GSG1L: variants seen among roughly 807,000 people sequenced by gnomAD.
GSG1L encodes GSG1 like, also known as germ cell-specific gene 1-like protein.
In GSG1L, 24 loss-of-function variants were observed where a neutral mutation model predicts 42.1. The ratio of observed to expected loss-of-function variants is 0.57; its 90% CI spans 0.41 to 0.80. GSG1L has a LOEUF of 0.80. GSG1L is among the 30% of genes least tolerant of loss of function. GSG1L has a pLI of 0.00. For synonymous variants in GSG1L, 215 were observed against 203.5 expected, an observed-to-expected ratio of 1.06 and a Z score of -0.48; for missense variants, 445 against 472.2, an observed-to-expected ratio of 0.94 and a Z score of 0.53.
At chr16:27,982,692 G>C (rs1380688567) in intron 1 of GSG1L, among the ~76,000 whole-genome samples, 2 of 152,280 alleles carry the variant, frequency 1.3e-5, no homozygotes, top group South Asian at 2.1e-4. Context: ...CTCTGCTTCT[G>C]GTCAGGCCTC....
chr16:27,809,059 G>C (rs1481901924), intron 5 of GSG1L, among the ~76,000 whole-genome samples: 1 of 152,088 alleles, frequency 6.6e-6, no homozygotes, highest in African/African-American at 2.4e-5. Context: ...TGTCCAAATG[G>C]GCATCACATT....
intron 5 of GSG1L, among the ~76,000 whole-genome samples, chr16:27,828,160 C>T (rs1374160014): frequency 1.3e-5 from 2 of 152,028 alleles, no homozygotes; most frequent in South Asian, 2.1e-4. Flanking sequence ...TACCCATCCA[C>T]CCGCTCACCT....
intron 4 of GSG1L, among the ~76,000 whole-genome samples, chr16:27,830,829 G>T (rs962608701): frequency 6.6e-6 from 1 of 152,254 alleles, no homozygotes; most frequent in Non-Finnish European, 1.5e-5. Context: ...CGAGGATAGA[G>T]AATGAACAAG....
intron 1 of GSG1L, among the ~76,000 whole-genome samples, chr16:28,014,480 A>T (rs1434920516): frequency 6.6e-6 from 1 of 151,986 alleles, no homozygotes; most frequent in Non-Finnish European, 1.5e-5. Flanking sequence ...GGGGATAAGC[A>T]CACGGAAAGG....
In GSG1L at chr16:28,063,029, C is replaced by G; in HGVS notation, c.349+47G>C. On this transcript the variant is annotated intron_variant, in intron 1 of 6. Transcript: ENST00000447459. This position sits in a 1 kb window ranked among gnomAD's most constrained non-coding sequence, Gnocchi z 5.8. ...GGCTCGGGCCTCGATGGCCGCGCCG[C>G]CCCGGGGGAGCCGGAGCCGAGCTGG... 7.4e-7 allele frequency: 1 copy of G among 1,349,436 alleles called. No homozygotes were observed. Among genetic ancestry groups the G allele is most frequent in the Non-Finnish European group, 9.5e-7 (1 of 1,047,828 alleles). The allele number at this position is 1,349,436 out of a possible 1,614,324, so 83.6% of individuals were successfully genotyped here.
intron 3 of GSG1L, among the ~76,000 whole-genome samples, chr16:27,847,119 C>A (rs2083453243): frequency 6.6e-6 from 1 of 152,182 alleles, no homozygotes; most frequent in African/African-American, 2.4e-5. Context: ...AGTTACTGCA[C>A]CTCCTGAATT....
chr16:27,966,096 C>T (rs1478747901), intron 1 of GSG1L, among the ~76,000 whole-genome samples: 2 of 152,218 alleles, frequency 1.3e-5, no homozygotes, highest in Non-Finnish European at 2.9e-5. Flanking sequence ...CTGCCTGCAG[C>T]ACTGTTCACT....
At chr16:27,822,419 T>C (rs1489515116) in intron 5 of GSG1L, among the ~76,000 whole-genome samples, 1 of 151,912 alleles carries the variant, frequency 6.6e-6, no homozygotes, top group Non-Finnish European at 1.5e-5. Flanking sequence ...GTTTTTTTGG[T>C]TTGGTTTGGT....
At chr16:27,842,829 T>C (rs2083401819) in intron 4 of GSG1L, among the ~76,000 whole-genome samples, 1 of 152,184 alleles carries the variant, frequency 6.6e-6, no homozygotes. Flanking sequence ...TGCTCCATTC[T>C]GAGATGCTCT....
intron 3 of GSG1L, among the ~76,000 whole-genome samples, chr16:27,865,457 G>A (rs1266662845): frequency 2.0e-5 from 3 of 148,884 alleles, no homozygotes; most frequent in Non-Finnish European, 4.5e-5. Context: ...AGTGGAGGTG[G>A]AAGTGGCCGC....
rs901209963 is a variant in GSG1L at position 27,791,222 on chromosome 16, T to C, written c.*148A>G. The C allele has an allele frequency of 4.5e-6, 2 of 448,372 alleles. No homozygotes were observed. The highest frequency in any genetic ancestry group is 4.2e-5 in the Admixed American group (1 of 23,578). The allele number at this position is 448,372 out of a possible 1,614,324, so 27.8% of individuals were successfully genotyped here. On this transcript the variant is annotated 3_prime_UTR_variant, in exon 7 of 7. Transcript: ENST00000447459. ...CAAGGCCATGGGACCCAGGCAGCGA[T>C]GGGCAGGACAGGCCTGGCATCTCCC...
intron 1 of GSG1L, among the ~76,000 whole-genome samples, chr16:28,056,913 AGTGGG>A (rs988025919): frequency 6.6e-5 from 10 of 152,072 alleles, no homozygotes; most frequent in Non-Finnish European, 1.2e-4. Flanking sequence ...GGCTAATTTC[AGTGGG>A]GTGGTCCAGG....
intron 1 of GSG1L, among the ~76,000 whole-genome samples, chr16:28,034,749 G>A (rs2086012962): frequency 6.6e-6 from 1 of 152,224 alleles, no homozygotes; most frequent in Admixed American, 6.5e-5. Context: ...TGTGCACTGT[G>A]GGATATTTAG....
At chr16:27,848,478 T>C (rs2083467542) in intron 3 of GSG1L, among the ~76,000 whole-genome samples, 1 of 152,182 alleles carries the variant, frequency 6.6e-6, no homozygotes, top group Non-Finnish European at 1.5e-5. Context: ...ATTTATCATG[T>C]ATTCATTCAA....
chr16:27,888,495 CTTTCTT>C (rs2084073623), intron 2 of GSG1L, among the ~76,000 whole-genome samples: 1 of 5,992 alleles, frequency 1.7e-4, no homozygotes, highest in Non-Finnish European at 4.4e-4. Context: ...TTCTTTCTTT[CTTTCTT>C]TCTTTCTTTC....
At chr16:27,888,453 T>TC (rs2084063439) in intron 2 of GSG1L, among the ~76,000 whole-genome samples, 1 of 20,176 alleles carries the variant, frequency 5.0e-5, no homozygotes, top group Non-Finnish European at 1.8e-4. Context: ...TCTTTCTTTC[T>TC]TTCTTTCTTT....
In GSG1L at chr16:27,789,244, A is replaced by T. The variant is rs556306838; in HGVS notation, c.*2126T>A. ...GGATAGATGATGAATAGATGAAGAAATGGATAAAGAATAAATGGATAATGC... is the reference window on the plus strand; with the variant it reads ...GGATAGATGATGAATAGATGAAGAATTGGATAAAGAATAAATGGATAATGC... On this transcript the variant is annotated 3_prime_UTR_variant, in exon 7 of 7. Coordinates refer to ENST00000447459, the MANE Select transcript of GSG1L (RefSeq NM_001109763.2). 1 of 152,290 alleles carries T rather than the reference A, an allele frequency of 6.6e-6. No individual in the cohort carries two copies. Among genetic ancestry groups the T allele is most frequent in the African/African-American group, 2.4e-5 (1 of 41,546 alleles). 9.4% of individuals were successfully genotyped at this position (152,290 alleles called of 1,614,324 possible).
intron 3 of GSG1L, among the ~76,000 whole-genome samples, chr16:27,851,978 A>C (rs1252392081): frequency 6.6e-6 from 1 of 152,216 alleles, no homozygotes; most frequent in East Asian, 1.9e-4. Flanking sequence ...CAGCGGTGAC[A>C]ACCCCAAATC....
At chr16:27,886,791 TC>T (rs2084035952) in intron 2 of GSG1L, among the ~76,000 whole-genome samples, 1 of 152,084 alleles carries the variant, frequency 6.6e-6, no homozygotes, top group Non-Finnish European at 1.5e-5. Context: ...TCATGTGGTC[TC>T]CCAAGACCCA....
Sources: gnomAD v4.1 joint callset for allele counts (sites outside exome capture counted in the v4.1 genomes callset) on GRCh38, gnomAD v4.1.1 for gene constraint, Gnocchi (gnomAD v3.1) non-coding constraint, MANE v1.5 for transcripts, NCBI Gene and HGNC (gene_info 2026-07-23, HGNC 2026-07-21) for gene names.